XIRP2: variants seen among roughly 807,000 people sequenced by gnomAD.
XIRP2 encodes the protein xin actin binding repeat containing 2.
A neutral mutation model predicts 277.0 loss-of-function variants in XIRP2; 236 were observed. That is an observed-to-expected ratio of 0.85 (90% CI 0.77 to 0.95). The LOEUF is 0.95. Among genes scored for constraint, XIRP2 ranks in the 40% least tolerant of loss-of-function variants. XIRP2 has a pLI of 0.00. For synonymous variants in XIRP2, 1,490 were observed against 1,416.5 expected, an observed-to-expected ratio of 1.05 and a Z score of -1.17; for missense variants, 4,640 against 4,157.5, an observed-to-expected ratio of 1.12 and a Z score of -3.19.
chr2:167,258,288 T>G lies in XIRP2; in HGVS notation c.*471T>G. 6.2e-7 allele frequency: 1 copy of G among 1,613,392 alleles called. No homozygotes were observed. Among genetic ancestry groups the G allele is most frequent in the Non-Finnish European group, 8.5e-7 (1 of 1,179,638 alleles). ...CCTGAATTTAAAAGTGAATCTCTGC[T>G]AGAAGATGTTAGAACTCCAGAAAAT... On this transcript the variant is annotated 3_prime_UTR_variant, in exon 11 of 11. Transcript: ENST00000409195.
chr2:166,911,328 T>A (rs918858581), intron 2 of XIRP2, among the ~76,000 whole-genome samples: 2 of 152,210 alleles, frequency 1.3e-5, no homozygotes, highest in East Asian at 1.9e-4. Context: ...TTAGAGTAGT[T>A]AGCTCTTCTC....
chr2:166,898,723 C>T (rs1002163645), intron 1 of XIRP2, among the ~76,000 whole-genome samples: 1 of 152,076 alleles, frequency 6.6e-6, no homozygotes, highest in Admixed American at 6.6e-5. Context: ...ACAGAAGTTT[C>T]CTACTACCAC....
chr2:167,196,003 C>A (rs1452951513), intron 3 of XIRP2, among the ~76,000 whole-genome samples: 2 of 152,084 alleles, frequency 1.3e-5, no homozygotes, highest in Non-Finnish European at 2.9e-5. Context: ...CAACATTTTC[C>A]CATAATGTGC....
At chr2:167,222,564 T>C (rs961276907) in intron 5 of XIRP2, among the ~76,000 whole-genome samples, 2 of 152,216 alleles carry the variant, frequency 1.3e-5, no homozygotes. Context: ...GTTTTTGTTT[T>C]AGGATTGAAT....
intron 2 of XIRP2, among the ~76,000 whole-genome samples, chr2:167,098,431 C>G (rs549998162): frequency 8.5e-4 from 129 of 152,294 alleles, no homozygotes; most frequent in African/African-American, 3.0e-3. Flanking sequence ...ACTGGTTATT[C>G]TAGTCAGCAT....
At chr2:167,073,492 G>A (rs1452717206) in intron 2 of XIRP2, among the ~76,000 whole-genome samples, 1 of 152,048 alleles carries the variant, frequency 6.6e-6, no homozygotes, top group Non-Finnish European at 1.5e-5. Flanking sequence ...CAGTGGGTCT[G>A]TCACTTAACT....
In XIRP2 at chr2:167,245,788, G is replaced by C. The variant is rs1195030321; in HGVS notation, c.4396G>C (p.Gly1466Arg). The C allele has an allele frequency of 6.2e-7, 1 of 1,613,740 alleles. No individual in the cohort carries two copies. The highest frequency in any genetic ancestry group is 8.5e-7 in the Non-Finnish European group (1 of 1,179,746). ...AACCCACACTATGGATGAACTGAGA[G>C]GAGAAGGGTTAGAATATGAAAATAT... The part of the protein sequence containing the change: ...FETHTMDELR[G>R]EGLEYENIKT... The change falls in exon 9 of 11, where the codon GGA (glycine) becomes CGA (arginine). Residue 1466 changes from glycine to arginine, a missense_variant. Gly to Arg is a moderately radical substitution (Grantham distance 125, BLOSUM62 -2). Coordinates refer to ENST00000409195, the MANE Select transcript of XIRP2 (RefSeq NM_152381.6).
In XIRP2 at chr2:167,241,775, A is replaced by G. The variant is rs774916438; in HGVS notation, c.1043-2A>G. ...AACCCTGGTGTGTTTTTCTGTTTGT[A>G]GTCATTGATACACCTGAGGATGAAG... is the stretch of plus-strand genomic sequence containing the variant. On this transcript the variant is annotated splice_acceptor_variant, in intron 7 of 10. Transcript: ENST00000409195. LOFTEE classifies it high-confidence loss of function. 1.3e-6 allele frequency: 2 copies of G among 1,599,568 alleles called. No individual in the cohort carries two copies. Among genetic ancestry groups the G allele is most frequent in the Non-Finnish European group, 1.7e-6 (2 of 1,175,100 alleles).
chr2:167,076,989 C>T (rs1022520431), intron 2 of XIRP2, among the ~76,000 whole-genome samples: 2 of 151,866 alleles, frequency 1.3e-5, no homozygotes, highest in African/African-American at 4.8e-5. Context: ...TGCCCCCCTA[C>T]TTGGCTCATT....
intron 2 of XIRP2, among the ~76,000 whole-genome samples, chr2:166,955,965 A>G (rs1327068828): frequency 6.6e-6 from 1 of 151,818 alleles, no homozygotes; most frequent in East Asian, 1.9e-4. Context: ...TGCAGTGTCA[A>G]TATTCTCATG....
intron 2 of XIRP2, among the ~76,000 whole-genome samples, chr2:167,027,997 A>T (rs1192542795): frequency 6.6e-6 from 1 of 152,056 alleles, no homozygotes; most frequent in Non-Finnish European, 1.5e-5. Context: ...AAACAAATGG[A>T]TACAACTCCT....
At chr2:166,899,251 A>G (rs1684317592) in intron 1 of XIRP2, among the ~76,000 whole-genome samples, 2 of 152,110 alleles carry the variant, frequency 1.3e-5, no homozygotes, top group South Asian at 4.1e-4. Context: ...TTAGCATTTT[A>G]CAGTTTGAAT....
At chr2:167,097,974 C>T (rs1167956161) in intron 2 of XIRP2, among the ~76,000 whole-genome samples, 1 of 152,132 alleles carries the variant, frequency 6.6e-6, no homozygotes, top group Non-Finnish European at 1.5e-5. Flanking sequence ...TCTGGCTGCC[C>T]TTAACATTTT....
intron 3 of XIRP2, among the ~76,000 whole-genome samples, chr2:167,153,917 T>C (rs1184944759): frequency 6.6e-6 from 1 of 151,554 alleles, no homozygotes; most frequent in Non-Finnish European, 1.5e-5. Context: ...CCTTTGGGCA[T>C]ATACCCAGTA....
chr2:167,120,238 G>A (rs1691017697), intron 2 of XIRP2, among the ~76,000 whole-genome samples: 1 of 152,178 alleles, frequency 6.6e-6, no homozygotes, highest in South Asian at 2.1e-4. Context: ...CTTGGGGGCT[G>A]TATCTGGCTT....
intron 2 of XIRP2, among the ~76,000 whole-genome samples, chr2:167,028,536 C>G (rs1156916055): frequency 6.6e-6 from 1 of 151,842 alleles, no homozygotes; most frequent in Non-Finnish European, 1.5e-5. Flanking sequence ...ATGCAGTGAC[C>G]AAAACTTAGA....
chr2:166,908,268 C>T (rs1054511601), intron 2 of XIRP2, among the ~76,000 whole-genome samples: 20 of 152,146 alleles, frequency 1.3e-4, no homozygotes, highest in Admixed American at 9.2e-4. Context: ...ATGTCCTCTC[C>T]GGCACCTGTT....
intron 3 of XIRP2, among the ~76,000 whole-genome samples, chr2:167,202,268 T>C (rs545214282): frequency 6.6e-6 from 1 of 152,338 alleles, no homozygotes; most frequent in African/African-American, 2.4e-5. Context: ...AACCAATTAA[T>C]TTAAAAATGT....
chr2:167,257,849 T>C lies in XIRP2; in HGVS notation c.*40-8T>C. ...CGAACTGCTAAGTGTTCTTTTTCTT[T>C]TTGGCAGTTTGGGAAATTATGCATC... On this transcript the variant is annotated splice_polypyrimidine_tract_variant and splice_region_variant and intron_variant, in intron 10 of 10. Transcript: ENST00000409195. The C allele has an allele frequency of 6.3e-7, 1 of 1,580,550 alleles. No individual in the cohort carries two copies. Among genetic ancestry groups the C allele is most frequent in the South Asian group, 1.2e-5 (1 of 84,768 alleles).
Sources: gnomAD v4.1 joint callset for allele counts (sites outside exome capture counted in the v4.1 genomes callset) on GRCh38, gnomAD v4.1.1 for gene constraint, MANE v1.5 for transcripts, NCBI Gene and HGNC (gene_info 2026-07-23, HGNC 2026-07-21) for gene names.